The following MAD1L1 variants were observed in gnomAD, a reference collection of about 807,000 sequenced individuals.
MAD1L1 encodes the protein mitotic spindle assembly checkpoint protein MAD1.
MAD1L1 carries 95 observed loss-of-function variants against 96.9 expected under a neutral mutation model. The ratio of observed to expected loss-of-function variants is 0.98; its 90% CI spans 0.83 to 1.16. The LOEUF (loss-of-function observed/expected upper bound fraction) is 1.16, where lower values mean the gene tolerates loss of function less well. MAD1L1 is among the 50% of genes most tolerant of loss of function. MAD1L1 has a pLI of 0.00. For missense variants in MAD1L1, 1,007 were observed against 954.4 expected, an observed-to-expected ratio of 1.06 and a Z score of -0.73; for synonymous variants, 473 against 396.6, an observed-to-expected ratio of 1.19 and a Z score of -2.29.
At chr7:2,050,352 C>T (rs898411290) in intron 12 of MAD1L1, among the ~76,000 whole-genome samples, 1 of 152,250 alleles carries the variant, frequency 6.6e-6, no homozygotes, top group Non-Finnish European at 1.5e-5. Context: ...AGCAGGGAAT[C>T]CCCTAGCCAG....
intron 18 of MAD1L1, among the ~76,000 whole-genome samples, chr7:1,860,324 CCT>C (rs1784478458): frequency 7.0e-6 from 1 of 143,876 alleles, no homozygotes; most frequent in African/African-American, 2.6e-5. Flanking sequence ...GGCGGGGCGG[CCT>C]CTGTCTCCCT....
chr7:2,012,777 AG>A (rs1391882610), intron 13 of MAD1L1, among the ~76,000 whole-genome samples: 3 of 152,194 alleles, frequency 2.0e-5, no homozygotes, highest in Non-Finnish European at 4.4e-5. Context: ...CATGTGAGCA[AG>A]GGGTAGCGAG....
intron 13 of MAD1L1, 101 bp downstream of exon 13, chr7:2,014,401 G>A: frequency 1.4e-6 from 2 of 1,408,606 alleles, no homozygotes; most frequent in African/African-American, 1.4e-5. Flanking sequence ...GAACTGGGGA[G>A]GCGGGGTCCA....
intron 17 of MAD1L1, among the ~76,000 whole-genome samples, chr7:1,912,068 C>T (rs1788050838): frequency 6.6e-6 from 1 of 152,204 alleles, no homozygotes; most frequent in South Asian, 2.1e-4. Context: ...CAGAAGTCTG[C>T]AGGAGTACAC....
intron 18 of MAD1L1, among the ~76,000 whole-genome samples, chr7:1,870,349 C>A (rs907778760): frequency 3.5e-5 from 5 of 144,880 alleles, no homozygotes; most frequent in African/African-American, 1.3e-4. Flanking sequence ...TACCGTAACA[C>A]CTGCCATGCT....
chr7:2,016,433 A>G (rs565326880), intron 12 of MAD1L1, among the ~76,000 whole-genome samples: 6 of 152,216 alleles, frequency 3.9e-5, no homozygotes, highest in South Asian at 2.1e-4. Context: ...GGAGTGCACA[A>G]AACTGCCAGG....
intron 10 of MAD1L1, among the ~76,000 whole-genome samples, chr7:2,211,108 C>T (rs1456810965): frequency 6.6e-6 from 1 of 152,188 alleles, no homozygotes; most frequent in Non-Finnish European, 1.5e-5. Flanking sequence ...GGGCGCCACA[C>T]ATGCATGCCA....
chr7:2,105,934 C>G (rs968485120), intron 11 of MAD1L1, among the ~76,000 whole-genome samples: 18 of 151,924 alleles, frequency 1.2e-4, no homozygotes, highest in African/African-American at 3.9e-4. Flanking sequence ...CCCTATCCAG[C>G]TGCGGCCCCA....
chr7:2,213,262 G>A lies in MAD1L1; in HGVS notation c.936C>T (p.Ala312=). The A allele has an allele frequency of 6.2e-7, 1 of 1,614,116 alleles. No homozygotes were observed. Among genetic ancestry groups the A allele is most frequent in the South Asian group, 1.1e-5 (1 of 91,082 alleles). The change falls in exon 10 of 19, where the codon GCC becomes GCT. Residue 312 remains alanine, a synonymous_variant. Coordinates refer to ENST00000265854, the MANE Select transcript of MAD1L1 (RefSeq NM_001013836.2). Reference sequence around the variant, plus strand: ...CCAGTCTCTCCCAGCTTTGCAGCTTGGCCAGCAGCCTCTGAAAAGACAACA... The same window carrying A: ...CCAGTCTCTCCCAGCTTTGCAGCTTAGCCAGCAGCCTCTGAAAAGACAACA... ...GLELENERLL[A]KLQSWERLDQ... is the part of the protein sequence containing the mutation.
chr7:2,200,492 T>C (rs903259172), intron 10 of MAD1L1: 1 of 150,238 alleles, frequency 6.7e-6, no homozygotes, highest in Non-Finnish European at 1.5e-5. Flanking sequence ...TGAAGGTCTC[T>C]GCATTCTGCC....
chr7:1,828,508 G>A (rs1782543792), intron 18 of MAD1L1, among the ~76,000 whole-genome samples: 1 of 152,232 alleles, frequency 6.6e-6, no homozygotes, highest in Admixed American at 6.5e-5. Context: ...AGCCTCGCGG[G>A]AAAGCCTGCG....
At chr7:2,107,037 A>G (rs1240208594) in intron 11 of MAD1L1, among the ~76,000 whole-genome samples, 1 of 152,202 alleles carries the variant, frequency 6.6e-6, no homozygotes, top group Non-Finnish European at 1.5e-5. Context: ...CTGGCTCCCA[A>G]GGACAGGAAG....
At chr7:2,047,893 C>T (rs1345200350) in intron 12 of MAD1L1, among the ~76,000 whole-genome samples, 1 of 152,352 alleles carries the variant, frequency 6.6e-6, no homozygotes, top group South Asian at 2.1e-4. Context: ...AGTACAGATA[C>T]ATGCACACTC....
At chr7:1,854,294 G>A in intron 18 of MAD1L1, 1 of 437,782 alleles carries the variant, frequency 2.3e-6, no homozygotes, top group Non-Finnish European at 4.6e-6. Context: ...GACTGCCCCA[G>A]CCCCAGCAGC....
intron 3 of MAD1L1, among the ~76,000 whole-genome samples, chr7:2,229,298 C>A (rs960373721): frequency 1.3e-5 from 2 of 152,142 alleles, no homozygotes; most frequent in Non-Finnish European, 2.9e-5. Flanking sequence ...CTAGCCAGCA[C>A]TCCACTCCCC....
chr7:2,152,476 T>C (rs1029151869), intron 10 of MAD1L1, among the ~76,000 whole-genome samples: 5 of 152,214 alleles, frequency 3.3e-5, no homozygotes, highest in Non-Finnish European at 5.9e-5. Context: ...GTCTGGCCAT[T>C]CTTGCTCATG....
At chr7:2,189,924 T>C (rs956014776) in intron 10 of MAD1L1, among the ~76,000 whole-genome samples, 1 of 152,154 alleles carries the variant, frequency 6.6e-6, no homozygotes, top group Admixed American at 6.5e-5. Flanking sequence ...GCTTTCCCTC[T>C]AAGGCTGACA....
intron 18 of MAD1L1, among the ~76,000 whole-genome samples, chr7:1,835,894 C>T (rs962256473): frequency 9.2e-5 from 14 of 152,172 alleles, no homozygotes; most frequent in Non-Finnish European, 4.4e-5. Context: ...CCTTTTAGAC[C>T]ATATAGGGGA....
chr7:1,953,343 C>A (rs1260216381), intron 16 of MAD1L1, among the ~76,000 whole-genome samples: 2 of 152,198 alleles, frequency 1.3e-5, no homozygotes, highest in African/African-American at 4.8e-5. Flanking sequence ...CTTTCCTGAA[C>A]AGCACTTGGG....
Sources: allele counts gnomAD v4.1 joint callset (sites outside exome capture counted in the v4.1 genomes callset), GRCh38; gene constraint gnomAD v4.1.1; transcripts MANE v1.5; gene names NCBI Gene and HGNC (gene_info 2026-07-23, HGNC 2026-07-21).